Variants in DIS3L2 observed in about 807,000 individuals in gnomAD.
The protein encoded by DIS3L2 is DIS3-like exonuclease 2.
DIS3L2 carries 34 observed loss-of-function variants against 97.5 expected under a neutral mutation model. The ratio of observed to expected loss-of-function variants is 0.35; its 90% CI spans 0.27 to 0.46. The LOEUF (loss-of-function observed/expected upper bound fraction) is 0.46, where lower values mean the gene tolerates loss of function less well. Ranked by LOEUF, DIS3L2 falls within the 20% of genes least tolerant of loss-of-function variation. The pLI is 1.00. For synonymous variants in DIS3L2, 435 were observed against 445.2 expected, an observed-to-expected ratio of 0.98 and a Z score of 0.29; for missense variants, 1,038 against 1,146.0, an observed-to-expected ratio of 0.91 and a Z score of 1.36.
chr2:232,148,744 CTTTCTT>C (rs1559678934), intron 8 of DIS3L2, among the ~76,000 whole-genome samples: 1 of 77,394 alleles, frequency 1.3e-5, no homozygotes, highest in African/African-American at 4.8e-5. Flanking sequence ...CCTTAATTTT[CTTTCTT>C]TTTTTTTTTT....
intron 20 of DIS3L2, 91 bp from the exon 21 acceptor site, chr2:232,336,378 G>A (rs1222370274): frequency 6.5e-7 from 1 of 1,549,846 alleles, no homozygotes; most frequent in African/African-American, 1.4e-5. Flanking sequence ...CGAAGGAGGG[G>A]CCAGGGGTCC....
intron 13 of DIS3L2, among the ~76,000 whole-genome samples, chr2:232,270,904 CTCTCTCTCTCT>C (rs1693987043): frequency 7.2e-6 from 1 of 139,488 alleles, no homozygotes; most frequent in African/African-American, 2.9e-5. Context: ...CTCTCTCTCT[CTCTCTCTCTCT>C]GTCTCGTCTC....
rs1694971057 is a variant in DIS3L2 at position 232,037,077 on chromosome 2, T to A, written c.366+6997T>A. On this transcript the variant is annotated intron_variant, in intron 5 of 20. Coordinates refer to ENST00000325385, the MANE Select transcript of DIS3L2 (RefSeq NM_152383.5). The surrounding 1 kb of genome is among the most constrained non-coding windows in gnomAD (Gnocchi z 4.6). ...AGCTAGAGCGCTGTGCTGGGAGATCTGCTGCTCTCTTCAGAGCTGGCAGGC... is the reference window on the plus strand; with the variant it reads ...AGCTAGAGCGCTGTGCTGGGAGATCAGCTGCTCTCTTCAGAGCTGGCAGGC... Among the ~76,000 whole-genome samples the A allele has an allele frequency of 6.6e-6, 1 of 152,234 alleles. No homozygotes were observed. Among genetic ancestry groups the A allele is most frequent in the South Asian group, 2.1e-4 (1 of 4,836 alleles).
intron 13 of DIS3L2, among the ~76,000 whole-genome samples, chr2:232,342,522 G>C (rs1172629671): frequency 1.3e-5 from 2 of 152,146 alleles, no homozygotes; most frequent in Admixed American, 6.5e-5. Flanking sequence ...AGTAAAAACT[G>C]AAGTTGAAAA....
At chr2:232,254,672 G>A (rs1693508119) in intron 12 of DIS3L2, among the ~76,000 whole-genome samples, 1 of 152,174 alleles carries the variant, frequency 6.6e-6, no homozygotes, top group Non-Finnish European at 1.5e-5. Context: ...AATCTAATGA[G>A]CTTCTAAAAT....
chr2:232,342,601 A>G (rs1401124768), intron 13 of DIS3L2, among the ~76,000 whole-genome samples: 1 of 152,250 alleles, frequency 6.6e-6, no homozygotes. Context: ...TACATTCAGC[A>G]TAGGGTGTAT....
chr2:232,330,538 C>G (rs556990708), intron 15 of DIS3L2, 152 bp from the exon 16 acceptor site: 5 of 812,752 alleles, frequency 6.2e-6, no homozygotes, highest in Non-Finnish European at 1.0e-5. Flanking sequence ...CGGCTGCCCC[C>G]TCTCCCCACC....
chr2:232,336,757 A>G lies in DIS3L2; in HGVS notation c.*127A>G, dbSNP rs755515971. 325 of 1,483,906 alleles carry G rather than the reference A, an allele frequency of 2.2e-4. 2 individuals are homozygous for G. Among genetic ancestry groups the G allele is most frequent in the Middle Eastern group, 2.4e-4 (1 of 4,252 alleles). 91.9% of individuals were successfully genotyped at this position (1,483,906 alleles called of 1,614,324 possible). A position where few individuals can be genotyped will look rare whatever the true frequency, so the allele number is the denominator to read the frequency against. ...AACTCAGGGGTTTGTTTTTATTTTT[A>G]TTTAATTTTTGCAGCTCAACTTTTA... On this transcript the variant is annotated 3_prime_UTR_variant, in exon 21 of 21. Coordinates refer to ENST00000325385, the MANE Select transcript of DIS3L2 (RefSeq NM_152383.5).
chr2:232,218,139 GC>G (rs764809370), intron 10 of DIS3L2, among the ~76,000 whole-genome samples: 10 of 152,174 alleles, frequency 6.6e-5, no homozygotes, highest in Non-Finnish European at 1.3e-4. Context: ...TGAAAGGAGG[GC>G]AGGAGAAAGT....
At chr2:232,185,263 G>T (rs1401177964) in intron 9 of DIS3L2, among the ~76,000 whole-genome samples, 1 of 152,106 alleles carries the variant, frequency 6.6e-6, no homozygotes, top group African/African-American at 2.4e-5. Flanking sequence ...TGACCATATG[G>T]AACTACAAAC....
chr2:232,317,795 TC>T (rs1695318459), intron 14 of DIS3L2, among the ~76,000 whole-genome samples: 1 of 152,234 alleles, frequency 6.6e-6, no homozygotes, highest in Non-Finnish European at 1.5e-5. Context: ...ATTAATTGTC[TC>T]CTTAATTCAG....
intron 5 of DIS3L2, among the ~76,000 whole-genome samples, chr2:232,062,536 A>G (rs1695741801): frequency 6.6e-6 from 1 of 152,086 alleles, no homozygotes; most frequent in African/African-American, 2.4e-5. Context: ...GTAGCCCCCC[A>G]AGTTGATCTC....
At chr2:232,114,039 A>G (rs958812821) in intron 6 of DIS3L2, among the ~76,000 whole-genome samples, 12 of 152,304 alleles carry the variant, frequency 7.9e-5, no homozygotes, top group African/African-American at 2.9e-4. Flanking sequence ...CCACTCAGGA[A>G]CTGACTCAGG....
At chr2:232,218,816 G>A (rs1692419411) in intron 10 of DIS3L2, among the ~76,000 whole-genome samples, 1 of 152,200 alleles carries the variant, frequency 6.6e-6, no homozygotes, top group Admixed American at 6.5e-5. Context: ...GCACGCACAA[G>A]GACCAGATCA....
intron 10 of DIS3L2, among the ~76,000 whole-genome samples, chr2:232,237,422 G>A (rs556063299): frequency 6.6e-6 from 1 of 152,282 alleles, no homozygotes; most frequent in African/African-American, 2.4e-5. Context: ...CAGACCGACT[G>A]TTGATTCATT....
intron 6 of DIS3L2, among the ~76,000 whole-genome samples, chr2:232,112,868 A>G (rs1205051346): frequency 6.6e-6 from 1 of 152,130 alleles, no homozygotes; most frequent in Admixed American, 6.6e-5. Flanking sequence ...CTGGGCCTTG[A>G]AGGGTGAGTA....
intron 15 of DIS3L2, 133 bp from the exon 16 acceptor site, chr2:232,330,557 C>G: frequency 1.1e-6 from 1 of 910,696 alleles, no homozygotes; most frequent in Non-Finnish European, 1.8e-6. Context: ...CCCATCCCCT[C>G]TGAGCAGGGC....
At chr2:232,190,598 GAGGA>G (rs200286068) in intron 9 of DIS3L2, among the ~76,000 whole-genome samples, 2,306 of 151,968 alleles carry the variant, frequency 0.015, 34 homozygotes, top group African/African-American at 0.039. Flanking sequence ...GAGAGGAAGA[GAGGA>G]AGGAAGGAAG....
chr2:232,245,527 C>T (rs1574968994), intron 11 of DIS3L2, among the ~76,000 whole-genome samples: 1 of 152,210 alleles, frequency 6.6e-6, no homozygotes, highest in South Asian at 2.1e-4. Flanking sequence ...TCCTTTGAAA[C>T]ATAGAGGAAT....
Sources: allele counts gnomAD v4.1 joint callset (sites outside exome capture counted in the v4.1 genomes callset), GRCh38; gene constraint gnomAD v4.1.1; non-coding constraint Gnocchi (gnomAD v3.1); transcripts MANE v1.5; gene names NCBI Gene and HGNC (gene_info 2026-07-23, HGNC 2026-07-21).